The following CYRIB variants were observed in gnomAD, a reference collection of about 807,000 sequenced individuals.
CYRIB encodes the protein CYFIP related Rac1 interactor B, also known as CYFIP-related Rac1 interactor B.
Under a neutral mutation model 44.2 loss-of-function variants are expected in CYRIB, and 8 were observed. The ratio of observed to expected loss-of-function variants is 0.18; its 90% CI spans 0.11 to 0.33. CYRIB has a LOEUF of 0.33. Ranked by LOEUF, CYRIB falls within the 10% of genes least tolerant of loss-of-function variation. The pLI is 1.00. For missense variants in CYRIB, 185 were observed against 382.8 expected (o/e 0.48, Z 4.31); for synonymous variants, 131 against 127.2 (o/e 1.03, Z -0.20).
chr8:129,905,201 G>GGACT lies in CYRIB; in HGVS notation c.-49-1852_-49-1851insAGTC, dbSNP rs1554601447. Among the ~76,000 whole-genome samples the GGACT allele has an allele frequency of 4.0e-5, 6 of 150,502 alleles. No individual in the cohort carries two copies. In the East Asian group the frequency reaches 9.9e-4, roughly 25 times the overall value. ...AGAGTCTCACTCTGTCACCCAGGCT[G>GGACT]GATTGATTGATTGATTGATTGATTG... On this transcript the variant is annotated intron_variant, in intron 1 of 11. Coordinates refer to ENST00000519824, the Ensembl canonical transcript of CYRIB.
At chr8:129,951,073 G>A (rs2094475453) in intron 2 of CYRIB, among the ~76,000 whole-genome samples, 1 of 152,184 alleles carries the variant, frequency 6.6e-6, no homozygotes, top group South Asian at 2.1e-4. Context: ...AGGAGGCCAA[G>A]GCAGGCAGAT....
chr8:130,007,978 G>A (rs951117473), intron 1 of CYRIB, among the ~76,000 whole-genome samples: 19 of 152,208 alleles, frequency 1.2e-4, no homozygotes, highest in African/African-American at 4.6e-4. Flanking sequence ...GGAGGCCGAG[G>A]CGGCCAGATC....
intron 1 of CYRIB, among the ~76,000 whole-genome samples, chr8:129,917,459 T>A (rs1015301967): frequency 1.3e-5 from 2 of 152,150 alleles, no homozygotes; most frequent in Non-Finnish European, 2.9e-5. Context: ...TGATCACATA[T>A]CTACACATCA....
chr8:129,943,834 C>CGA (rs2093934499), upstream of CYRIB, among the ~76,000 whole-genome samples: 1 of 148,388 alleles, frequency 6.7e-6, no homozygotes, highest in African/African-American at 2.5e-5. Context: ...CTCCTGACCA[C>CGA]GTGATCCGCC....
intron 1 of CYRIB, among the ~76,000 whole-genome samples, chr8:129,994,558 G>A (rs1320100118): frequency 6.6e-6 from 1 of 152,282 alleles, no homozygotes; most frequent in South Asian, 2.1e-4. Context: ...AGGCTGGGGG[G>A]CCATCTACCT....
At chr8:129,893,916 T>C (rs935647958) in intron 2 of CYRIB, among the ~76,000 whole-genome samples, 1 of 151,940 alleles carries the variant, frequency 6.6e-6, no homozygotes, top group Admixed American at 6.6e-5. Flanking sequence ...TCATAAACAA[T>C]ACAGTATTGT....
intron 2 of CYRIB, among the ~76,000 whole-genome samples, chr8:129,901,988 T>C (rs1011620473): frequency 6.6e-6 from 1 of 152,214 alleles, no homozygotes; most frequent in Non-Finnish European, 1.5e-5. Context: ...CTTAATCCTA[T>C]GTAGTTTACT....
intron 9 of CYRIB, chr8:129,850,585 A>T (rs1200425026): frequency 2.1e-6 from 1 of 477,292 alleles, no homozygotes; most frequent in Non-Finnish European, 3.7e-6. Flanking sequence ...AAGAGAACTA[A>T]GAGTCTGAGT....
At chr8:129,866,823 T>C (rs955228859) in intron 4 of CYRIB, among the ~76,000 whole-genome samples, 3 of 152,222 alleles carry the variant, frequency 2.0e-5, no homozygotes, top group Non-Finnish European at 4.4e-5. Flanking sequence ...TGCTCTCTTA[T>C]AATAAACATT....
rs560707243 is a variant in CYRIB at position 129,918,038 on chromosome 8, GT to G, written c.-49-14689del. Among the ~76,000 whole-genome samples, 69 of 152,226 alleles carry G rather than the reference GT, an allele frequency of 4.5e-4. No homozygotes were observed. In the South Asian group the frequency reaches 9.9e-3, roughly 22 times the overall value. On this transcript the variant is annotated intron_variant, in intron 1 of 11. Coordinates refer to ENST00000519824, the Ensembl canonical transcript of CYRIB. ...AACTCGTATTACTTCATTTTCACGT[GT>G]TTACGAGTGACCACTGGCCAGTACG...
At chr8:129,919,769 A>C (rs1027930905) in intron 1 of CYRIB, among the ~76,000 whole-genome samples, 7 of 152,208 alleles carry the variant, frequency 4.6e-5, no homozygotes, top group African/African-American at 1.7e-4. Flanking sequence ...ATCTTCTCCT[A>C]TACAAAGCAT....
intron 1 of CYRIB, among the ~76,000 whole-genome samples, chr8:129,992,072 T>C (rs1314269982): frequency 6.6e-6 from 1 of 151,530 alleles, no homozygotes; most frequent in African/African-American, 2.4e-5. Flanking sequence ...TCCCAGCACT[T>C]TGGGAGGCCT....
At chr8:129,942,598 C>A (rs990259562), upstream of CYRIB, among the ~76,000 whole-genome samples, 1 of 152,104 alleles carries the variant, frequency 6.6e-6, no homozygotes, top group African/African-American at 2.4e-5. Context: ...CATATTTTTG[C>A]CGAGGGCAAA....
intron 6 of CYRIB, among the ~76,000 whole-genome samples, chr8:129,855,099 A>C (rs932843006): frequency 2.6e-5 from 4 of 152,186 alleles, no homozygotes; most frequent in Admixed American, 1.3e-4. Flanking sequence ...TATTAGAAAA[A>C]AAGCTCAACC....
intron 2 of CYRIB, among the ~76,000 whole-genome samples, chr8:129,897,449 A>G (rs180971882): frequency 6.6e-6 from 1 of 152,164 alleles, no homozygotes; most frequent in Admixed American, 6.6e-5. Flanking sequence ...AAATAAACTA[A>G]ACACAATCCC....
At chr8:129,869,840 G>C (rs2056211649) in intron 4 of CYRIB, among the ~76,000 whole-genome samples, 1 of 151,980 alleles carries the variant, frequency 6.6e-6, no homozygotes, top group Non-Finnish European at 1.5e-5. Context: ...CCTCAAGCTG[G>C]AAGTACAGTG....
intron 1 of CYRIB, among the ~76,000 whole-genome samples, chr8:129,997,227 G>C (rs891236264): frequency 6.6e-6 from 1 of 152,036 alleles, no homozygotes; most frequent in Non-Finnish European, 1.5e-5. Flanking sequence ...TGGGGGCGAG[G>C]AGACACCACA....
At chr8:129,940,632 TC>T (rs1390559275), upstream of CYRIB, among the ~76,000 whole-genome samples, 2 of 152,258 alleles carry the variant, frequency 1.3e-5, no homozygotes, top group Admixed American at 1.3e-4. Flanking sequence ...AAACAGAACA[TC>T]CCATCTAGCT....
At chr8:129,994,541 C>T (rs991634755) in intron 1 of CYRIB, among the ~76,000 whole-genome samples, 9 of 152,166 alleles carry the variant, frequency 5.9e-5, no homozygotes, top group African/African-American at 1.4e-4. Context: ...GTTCAAGGCA[C>T]GGCATCAGGC....
Sources: allele counts gnomAD v4.1 joint callset (sites outside exome capture counted in the v4.1 genomes callset), GRCh38; gene constraint gnomAD v4.1.1; transcripts MANE v1.5; gene names NCBI Gene and HGNC (gene_info 2026-07-23, HGNC 2026-07-21).